Variants in MYLK observed in about 807,000 individuals in gnomAD.
MYLK encodes myosin light chain kinase, smooth muscle.
Under a neutral mutation model 203.4 loss-of-function variants are expected in MYLK, and 106 were observed. The observed-to-expected ratio is 0.52, with a 90% confidence interval of 0.45 to 0.61. The LOEUF (loss-of-function observed/expected upper bound fraction) is 0.61, where lower values mean the gene tolerates loss of function less well. MYLK is among the 20% of genes least tolerant of loss of function. The pLI, the probability that MYLK is intolerant of heterozygous loss-of-function variation, is 0.00. For missense variants in MYLK, 2,072 were observed against 2,442.3 expected, an observed-to-expected ratio of 0.85 and a Z score of 3.20; for synonymous variants, 867 against 959.5, an observed-to-expected ratio of 0.90 and a Z score of 1.78.
chr3:123,678,654 A>AACACAC (rs151133463), intron 20 of MYLK, among the ~76,000 whole-genome samples: 1 of 150,242 alleles, frequency 6.7e-6, no homozygotes, highest in African/African-American at 2.4e-5. Flanking sequence ...CACACACACA[A>AACACAC]ACACACACAC....
At chr3:123,760,990 T>C (rs2063516365) in intron 4 of MYLK, among the ~76,000 whole-genome samples, 1 of 152,222 alleles carries the variant, frequency 6.6e-6, no homozygotes, top group African/African-American at 2.4e-5. Context: ...CACTGACTAA[T>C]GCAGCCCTGG....
At chr3:123,835,390 G>A (rs1279513576) in intron 2 of MYLK, among the ~76,000 whole-genome samples, 1 of 152,054 alleles carries the variant, frequency 6.6e-6, no homozygotes. Context: ...AGAGACGGAG[G>A]GGAATATTTG....
Position 123,844,553 on chromosome 3 carries a change from C to T in MYLK, c.-126-12883G>A, listed in dbSNP as rs376354148. Among the ~76,000 whole-genome samples the T allele has an allele frequency of 2.3e-5, 3 of 132,666 alleles. No individual in the cohort carries two copies. The East Asian group carries it at 7.0e-4, about 31-fold the overall frequency. The allele number at this position is 132,666 out of a possible 152,430, so 87.0% of individuals were successfully genotyped here. A position where few individuals can be genotyped will look rare whatever the true frequency, so the allele number is the denominator to read the frequency against. On this transcript the variant is annotated intron_variant, in intron 2 of 33. Coordinates refer to ENST00000360304, the MANE Select transcript of MYLK (RefSeq NM_053025.4). ...TAGTTTTATTACCTTAGGGAAGTCA[C>T]TTAACCTTTCTAAGCCTGTTAACTC...
At chr3:123,779,349 C>G (rs1472340518) in intron 4 of MYLK, among the ~76,000 whole-genome samples, 1 of 152,254 alleles carries the variant, frequency 6.6e-6, no homozygotes, top group Non-Finnish European at 1.5e-5. Context: ...TCCCCTCAGC[C>G]TAATGCCTTT....
chr3:123,611,395 C>G lies in MYLK; in HGVS notation c.*2710G>C, dbSNP rs1197320958. The G allele has an allele frequency of 6.6e-6, 1 of 152,038 alleles. No homozygotes were observed. The highest frequency in any genetic ancestry group is 2.4e-5 in the African/African-American group (1 of 41,372). 9.4% of individuals were successfully genotyped at this position (152,038 alleles called of 1,614,324 possible). On this transcript the variant is annotated 3_prime_UTR_variant, in exon 34 of 34. Coordinates refer to ENST00000360304, the MANE Select transcript of MYLK (RefSeq NM_053025.4). ...TTTGGCTGCCAATAATGAACTGCACCAAAGTCACCAATTCAAACCATGCCC... is the reference window on the plus strand; with the variant it reads ...TTTGGCTGCCAATAATGAACTGCACGAAAGTCACCAATTCAAACCATGCCC...
At chr3:123,619,578 C>T (rs1193457765) in intron 32 of MYLK, among the ~76,000 whole-genome samples, 5 of 152,188 alleles carry the variant, frequency 3.3e-5, no homozygotes, top group African/African-American at 7.2e-5. Flanking sequence ...GGGTCTGGCC[C>T]TGCATGCACC....
intron 20 of MYLK, among the ~76,000 whole-genome samples, chr3:123,672,011 GT>G: frequency 6.6e-6 from 1 of 152,160 alleles, no homozygotes; most frequent in South Asian, 2.1e-4. Flanking sequence ...GAGGGCTGTT[GT>G]CATGGGCTGA....
intron 11 of MYLK, among the ~76,000 whole-genome samples, chr3:123,729,890 A>G (rs180850671): frequency 1.8e-4 from 28 of 152,144 alleles, no homozygotes; most frequent in Admixed American, 1.2e-3. Context: ...TCAAAAAAAA[A>G]AAAAAAATCA....
intron 2 of MYLK, among the ~76,000 whole-genome samples, chr3:123,850,341 C>T (rs2148665104): frequency 6.6e-6 from 1 of 152,276 alleles, no homozygotes; most frequent in African/African-American, 2.4e-5. Flanking sequence ...AATGGTTGAA[C>T]TAGTTTACAA....
Position 123,733,886 on chromosome 3 carries a change from C to T in MYLK, c.1110G>A (p.Glu370=), listed in dbSNP as rs886038986. 50 of 1,614,064 alleles carry T rather than the reference C, an allele frequency of 3.1e-5. No individual in the cohort carries two copies. The highest frequency in any genetic ancestry group is 4.1e-5 in the Non-Finnish European group (48 of 1,180,040). The change falls in exon 10 of 34, where the codon GAG becomes GAA. Residue 370 remains glutamate, a synonymous_variant. Coordinates refer to ENST00000360304, the MANE Select transcript of MYLK (RefSeq NM_053025.4). ...GLGVLSPSGE[E]RKRPAPPRPA... is the part of the protein sequence containing the mutation. ...GACGGGGAGGAGCTGGCCTCTTCCTCTCTTCTCCAGAAGGTGATAGGACCC... is the reference window on the plus strand; with the variant it reads ...GACGGGGAGGAGCTGGCCTCTTCCTTTCTTCTCCAGAAGGTGATAGGACCC...
chr3:123,648,898 G>A lies in MYLK; in HGVS notation c.4415+73C>T. ...CCCCAGGGAGCAACAGGAAGCTGAG[G>A]CACTGAATCTAACTGTGAGACCCGC... On this transcript the variant is annotated intron_variant, in intron 26 of 33. Transcript: ENST00000360304. This position sits in a 1 kb window ranked among gnomAD's most constrained non-coding sequence, Gnocchi z 4.5. 1 of 1,280,618 alleles carries A rather than the reference G, an allele frequency of 7.8e-7. No individual in the cohort carries two copies. The highest frequency in any genetic ancestry group is 1.1e-6 in the Non-Finnish European group (1 of 879,700). The allele number at this position is 1,280,618 out of a possible 1,614,324, so 79.3% of individuals were successfully genotyped here. A position where few individuals can be genotyped will look rare whatever the true frequency, so the allele number is the denominator to read the frequency against.
chr3:123,740,693 C>T (rs1433505301), intron 5 of MYLK, among the ~76,000 whole-genome samples: 1 of 152,222 alleles, frequency 6.6e-6, no homozygotes, highest in Non-Finnish European at 1.5e-5. Flanking sequence ...CTATGCTGGA[C>T]ACTGCCAGTC....
chr3:123,677,766 T>C (rs1023454732), intron 20 of MYLK, among the ~76,000 whole-genome samples: 3 of 151,644 alleles, frequency 2.0e-5, no homozygotes, highest in African/African-American at 7.3e-5. Context: ...TTGATTTCAA[T>C]AATTGCATTG....
At chr3:123,872,194 T>A (rs1253958046) in intron 2 of MYLK, among the ~76,000 whole-genome samples, 3 of 152,130 alleles carry the variant, frequency 2.0e-5, no homozygotes, top group African/African-American at 7.2e-5. Context: ...AATCACTGAG[T>A]AGAGGAGATT....
intron 31 of MYLK, 179 bp from the exon 32 acceptor site, chr3:123,620,515 GT>G (rs2057798941): frequency 6.8e-7 from 1 of 1,470,458 alleles, no homozygotes; most frequent in African/African-American, 1.4e-5. Flanking sequence ...GCTCAGCACT[GT>G]CAGTGTGTCA....
chr3:123,763,483 A>T (rs2063601506), intron 4 of MYLK, among the ~76,000 whole-genome samples: 1 of 152,238 alleles, frequency 6.6e-6, no homozygotes, highest in Non-Finnish European at 1.5e-5. Context: ...AAATTTTTAG[A>T]TCTGGCATTT....
intron 16 of MYLK, among the ~76,000 whole-genome samples, chr3:123,706,963 C>T (rs1216064850): frequency 1.3e-5 from 2 of 152,202 alleles, no homozygotes; most frequent in Non-Finnish European, 2.9e-5. Context: ...CCCTTGAGTA[C>T]GGGCTGTACT....
At chr3:123,822,826 C>A (rs558945038) in intron 3 of MYLK, among the ~76,000 whole-genome samples, 2 of 152,310 alleles carry the variant, frequency 1.3e-5, no homozygotes, top group African/African-American at 4.8e-5. Context: ...CCACCCAATA[C>A]ACAACTCCAA....
At chr3:123,736,630 C>T (rs1696895956) in intron 8 of MYLK, among the ~76,000 whole-genome samples, 1 of 152,070 alleles carries the variant, frequency 6.6e-6, no homozygotes, top group Non-Finnish European at 1.5e-5. Context: ...AAAGTCCAGT[C>T]TGGGTGTGAA....
Sources: gnomAD v4.1 joint callset for allele counts (sites outside exome capture counted in the v4.1 genomes callset) on GRCh38, gnomAD v4.1.1 for gene constraint, Gnocchi (gnomAD v3.1) non-coding constraint, MANE v1.5 for transcripts, NCBI Gene and HGNC (gene_info 2026-07-23, HGNC 2026-07-21) for gene names.